SEC24B: variants seen among roughly 807,000 people sequenced by gnomAD.
The protein encoded by SEC24B is protein transport protein Sec24B.
A neutral mutation model predicts 142.8 loss-of-function variants in SEC24B; 45 were observed. The ratio of observed to expected loss-of-function variants is 0.32; its 90% confidence interval spans 0.25 to 0.40. The LOEUF (loss-of-function observed/expected upper bound fraction) is 0.40. Among genes scored for constraint, SEC24B ranks in the 10% least tolerant of loss-of-function variants. SEC24B has a pLI of 1.00. For missense variants in SEC24B, 1,409 were observed against 1,526.8 expected, an observed-to-expected ratio of 0.92 and a Z score of 1.29; for synonymous variants, 574 against 568.2, an observed-to-expected ratio of 1.01 and a Z score of -0.15.
intron 1 of SEC24B, among the ~76,000 whole-genome samples, chr4:109,448,805 T>A (rs1729744810): frequency 6.6e-6 from 1 of 152,234 alleles, no homozygotes; most frequent in Admixed American, 6.5e-5. Flanking sequence ...AACTGCAAAT[T>A]TTACTGATGT....
intron 1 of SEC24B, chr4:109,450,782 G>C (rs886099565): frequency 7.1e-6 from 1 of 140,846 alleles, no homozygotes; most frequent in Non-Finnish European, 1.5e-5. Context: ...AAGAGCCAGA[G>C]TCTTCCTCTT....
chr4:109,467,811 A>G (rs757250731), intron 2 of SEC24B, among the ~76,000 whole-genome samples: 3 of 152,246 alleles, frequency 2.0e-5, no homozygotes, highest in Admixed American at 6.5e-5. Context: ...TTGATAGCGT[A>G]TTATAAAACA....
At chr4:109,482,971 T>TACAC (rs1167329769) in intron 4 of SEC24B, among the ~76,000 whole-genome samples, 3 of 59,318 alleles carry the variant, frequency 5.1e-5, no homozygotes, top group Admixed American at 4.6e-4. Context: ...TATATATATA[T>TACAC]ATATATATAC....
intron 10 of SEC24B, 21 bp from the exon 11 acceptor site, chr4:109,516,507 C>T: frequency 1.4e-6 from 2 of 1,447,810 alleles, no homozygotes; most frequent in Non-Finnish European, 1.9e-6. Flanking sequence ...AAATAACTTA[C>T]TTTATTTTTA....
In SEC24B at chr4:109,527,330, A is replaced by G; in HGVS notation, c.2974A>G (p.Arg992Gly). 1 of 1,600,438 alleles carries G rather than the reference A, an allele frequency of 6.2e-7. No individual in the cohort carries two copies. Among genetic ancestry groups the G allele is most frequent in the Non-Finnish European group, 8.5e-7 (1 of 1,173,328 alleles). The change falls in exon 18 of 24, where the codon AGA (arginine) becomes GGA (glycine). Residue 992 changes from arginine to glycine, a missense_variant. Transcript: ENST00000265175. ...LLYTSSKGER[R>G]IRVHTLCLPV... ...AATGACTTTTTTTTTAGGTGAGCGG[A>G]GAATTAGAGTACATACACTTTGTTT... is the stretch of plus-strand genomic sequence containing the variant.
Position 109,530,435 on chromosome 4 carries a change from C to A in SEC24B, c.3223C>A (p.Pro1075Thr). ...GGCGCCCAGCTCCCTCAAGTTGTTT[C>A]CTCTCTATGTTTTGGCCCTTCTCAA... ...LMAPSSLKLF[P>T]LYVLALLKQK... Residue 1075 changes from proline to threonine, a missense_variant, in exon 19 of 24, where the codon CCT becomes ACT. Physicochemically the swap from Pro to Thr is conservative, Grantham distance 38. Around this residue, in one of 2 missense-constraint regions of SEC24B, gnomAD observed 700 missense variants for 853.3 expected, o/e 0.82. Transcript: ENST00000265175. 1 of 1,613,978 alleles carries A rather than the reference C, an allele frequency of 6.2e-7. No homozygotes were observed. Among genetic ancestry groups the A allele is most frequent in the Non-Finnish European group, 8.5e-7 (1 of 1,179,940 alleles).
At chr4:109,489,638 T>C (rs1275059943) in intron 4 of SEC24B, among the ~76,000 whole-genome samples, 3 of 142,112 alleles carry the variant, frequency 2.1e-5, no homozygotes, top group African/African-American at 8.1e-5. Flanking sequence ...ATATGGTATA[T>C]ATATGATATA....
intron 8 of SEC24B, among the ~76,000 whole-genome samples, chr4:109,510,489 A>AT (rs1561156020): frequency 6.6e-6 from 1 of 152,214 alleles, no homozygotes. Flanking sequence ...AAAGTTTTCT[A>AT]TAAGTGTTGA....
Position 109,515,912 on chromosome 4 carries a change from G to A in SEC24B, c.2014-616G>A, listed in dbSNP as rs192067921. On this transcript the variant is annotated intron_variant, in intron 10 of 23. Coordinates refer to ENST00000265175, the MANE Select transcript of SEC24B (RefSeq NM_006323.5). ...CAAATACAAAAATTAGCTCTGCGTG[G>A]AGGCATGTGCCTGTAGTCCCAGCTA... is the stretch of plus-strand genomic sequence containing the variant. Among the ~76,000 whole-genome samples the A allele has an allele frequency of 3.2e-3, 488 of 151,114 alleles. 3 individuals are homozygous for A. The highest frequency in any genetic ancestry group is 5.6e-3 in the Non-Finnish European group (378 of 67,828).
intron 7 of SEC24B, among the ~76,000 whole-genome samples, 176 bp downstream of exon 7, chr4:109,506,688 C>A (rs1186918631): frequency 1.3e-5 from 2 of 152,122 alleles, no homozygotes; most frequent in Non-Finnish European, 2.9e-5. Flanking sequence ...TTGTTCCCAT[C>A]TCTGTCTCAA....
At chr4:109,521,325 A>C (rs1351572630) in intron 13 of SEC24B, 95 bp from the exon 14 acceptor site, 2 of 1,160,898 alleles carry the variant, frequency 1.7e-6, no homozygotes, top group Non-Finnish European at 2.5e-6. Flanking sequence ...CAGTCCCCAG[A>C]AATACAGTGA....
rs374968371 is a variant in SEC24B, at chr4:109,520,940, C to T, written c.2246-177C>T. 2.1e-4 allele frequency among the ~76,000 whole-genome samples: 32 copies of T among 152,110 alleles called. No individual in the cohort carries two copies. In the East Asian group the frequency reaches 5.6e-3, roughly 27 times the overall value. On this transcript the variant is annotated intron_variant, in intron 12 of 23. Coordinates refer to ENST00000265175, the MANE Select transcript of SEC24B (RefSeq NM_006323.5). Reference sequence around the variant, plus strand: ...CCGGGAGGTGGAGGTTGCAGTGAGCCGAGATCATGCCATTGCACTCCAGCC... The same window carrying T: ...CCGGGAGGTGGAGGTTGCAGTGAGCTGAGATCATGCCATTGCACTCCAGCC...
intron 1 of SEC24B, among the ~76,000 whole-genome samples, chr4:109,458,064 G>T (rs917517175): frequency 5.3e-5 from 8 of 151,658 alleles, no homozygotes; most frequent in Admixed American, 1.3e-4. Context: ...TGTCCCACAG[G>T]TCTCTCGAAT....
At chr4:109,455,375 C>G (rs116069194) in intron 1 of SEC24B, among the ~76,000 whole-genome samples, 1 of 151,974 alleles carries the variant, frequency 6.6e-6, no homozygotes, top group African/African-American at 2.4e-5. Context: ...TCAGCCCTCC[C>G]GAGTAGCTGA....
At chr4:109,497,789 C>G in intron 6 of SEC24B, among the ~76,000 whole-genome samples, 1 of 152,034 alleles carries the variant, frequency 6.6e-6, no homozygotes, top group South Asian at 2.1e-4. Flanking sequence ...CTGTCCCTGT[C>G]TTTTAGTGAG....
At chr4:109,493,260 T>A (rs1374021023) in intron 5 of SEC24B, among the ~76,000 whole-genome samples, 1 of 148,440 alleles carries the variant, frequency 6.7e-6, no homozygotes, top group Non-Finnish European at 1.5e-5. Context: ...TTAGACCCAA[T>A]AAGGAGATGT....
Position 109,463,333 on chromosome 4 carries a change from C to G in SEC24B, c.566C>G (p.Ser189Cys). The part of the protein sequence containing the change: ...TCGHYAMSTV[S>C]NAAYPSVSYP... ...GGTCATTATGCTATGTCAACTGTTTCTAATGCCGCGTATCCTAGTGTTTCA... is the reference window on the plus strand; with the variant it reads ...GGTCATTATGCTATGTCAACTGTTTGTAATGCCGCGTATCCTAGTGTTTCA... Residue 189 changes from serine to cysteine, a missense_variant, in exon 2 of 24, where the codon TCT becomes TGT. Transcript: ENST00000265175. 6.2e-7 allele frequency: 1 copy of G among 1,614,222 alleles called. No homozygotes were observed. The highest frequency in any genetic ancestry group is 8.5e-7 in the Non-Finnish European group (1 of 1,180,042).
chr4:109,523,587 A>G (rs1723895418), intron 14 of SEC24B, among the ~76,000 whole-genome samples: 1 of 152,234 alleles, frequency 6.6e-6, no homozygotes, highest in South Asian at 2.1e-4. Flanking sequence ...TTCAAATAAT[A>G]AATGAACAAA....
chr4:109,446,160 C>T (rs79294465), intron 1 of SEC24B, among the ~76,000 whole-genome samples: 10,932 of 152,198 alleles, frequency 0.072, 556 homozygotes, highest in African/African-American at 0.14. Flanking sequence ...GAAACCTTTG[C>T]AGCAGTGATT....
Sources: gnomAD v4.1 joint callset for allele counts (sites outside exome capture counted in the v4.1 genomes callset) on GRCh38, gnomAD v4.1.1 for gene constraint, gnomAD v4.1.1 regional missense constraint, MANE v1.5 for transcripts, NCBI Gene and HGNC (gene_info 2026-07-23, HGNC 2026-07-21) for gene names.